MACF1: variants seen among roughly 807,000 people sequenced by gnomAD.
MACF1 encodes the protein microtubule-actin cross-linking factor 1.
In MACF1, 193 loss-of-function variants were observed where a neutral mutation model predicts 854.8. That is an observed-to-expected ratio of 0.23 (90% CI 0.20 to 0.25). The LOEUF (loss-of-function observed/expected upper bound fraction) is 0.25. MACF1 is among the 10% of genes least tolerant of loss of function. The pLI is 1.00. For missense variants in MACF1, 7,722 were observed against 8,929.1 expected, an observed-to-expected ratio of 0.86 and a Z score of 5.45; for synonymous variants, 3,185 against 3,226.7, an observed-to-expected ratio of 0.99 and a Z score of 0.44.
rs1227535823 is a variant in MACF1 at position 39,422,478 on chromosome 1, G to C, written c.15921G>C (p.Gln5307His). Reference protein sequence around the residue: ...IQSAGKDCDVQGLEHDMEEIN... With the variant: ...IQSAGKDCDVHGLEHDMEEIN... ...GTGCAGGAAAAGACTGTGATGTACA[G>C]GGTTTAGAACATGACATGGAAGAGA... is the stretch of plus-strand genomic sequence containing the variant. The change falls in exon 59 of 101, where the codon CAG becomes CAC. Residue 5307 changes from glutamine (Q) to histidine (H), a missense_variant. Coordinates refer to ENST00000564288, the MANE Select transcript of MACF1 (RefSeq NM_001394062.1). 2 of 1,613,996 alleles carry C rather than the reference G, an allele frequency of 1.2e-6. No homozygotes were observed. Among genetic ancestry groups the C allele is most frequent in the Non-Finnish European group, 1.7e-6 (2 of 1,179,988 alleles).
intron 22 of MACF1, among the ~76,000 whole-genome samples, chr1:39,302,160 C>A (rs1646059980): frequency 6.6e-6 from 1 of 152,052 alleles, no homozygotes; most frequent in South Asian, 2.1e-4. Flanking sequence ...CTATACCCGG[C>A]TAATTTTTGT....
In MACF1 at chr1:39,385,818, A is replaced by G; in HGVS notation, c.14233A>G (p.Thr4745Ala). 1.2e-6 allele frequency: 2 copies of G among 1,614,178 alleles called. No homozygotes were observed. The highest frequency in any genetic ancestry group is 1.7e-6 in the Non-Finnish European group (2 of 1,180,034). Residue 4745 changes from threonine (T) to alanine (A), a missense_variant, in exon 57 of 101, where the codon ACA becomes GCA. Around this residue, in one of 15 missense-constraint regions of MACF1, gnomAD observed 2,807 missense variants for 3,235.8 expected, o/e 0.87. Coordinates refer to ENST00000564288, the MANE Select transcript of MACF1 (RefSeq NM_001394062.1). ...QLDHEVKEAQ[T>A]LCDELSVLIG... ...AGACCACGAGGTTAAGGAGGCTCAG[A>G]CACTGTGCGATGAACTCTCAGTGCT...
At chr1:39,214,458 G>A (rs919862254) in intron 1 of MACF1, among the ~76,000 whole-genome samples, 1 of 152,228 alleles carries the variant, frequency 6.6e-6, no homozygotes, top group Non-Finnish European at 1.5e-5. Context: ...GCACAGCTGA[G>A]TTAAGTGCAC....
intron 2 of MACF1, among the ~76,000 whole-genome samples, chr1:39,232,922 A>G (rs981992207): frequency 6.6e-6 from 1 of 152,044 alleles, no homozygotes; most frequent in African/African-American, 2.4e-5. Context: ...AGCTGGAACT[A>G]CAGGCATGCA....
Position 39,204,709 on chromosome 1 carries a change from G to A in MACF1, c.-314G>A. The A allele has an allele frequency of 3.9e-6, 1 of 258,868 alleles. No homozygotes were observed. Among genetic ancestry groups the A allele is most frequent in the Non-Finnish European group, 7.4e-6 (1 of 134,368 alleles). 16.0% of individuals were successfully genotyped at this position (258,868 alleles called of 1,614,324 possible). A position where few individuals can be genotyped will look rare whatever the true frequency, so the allele number is the denominator to read the frequency against. On this transcript the variant is annotated 5_prime_UTR_variant, in exon 1 of 101. Transcript: ENST00000564288. ...ATGCCAAAGATAGAGGTTTGAGTCA[G>A]CTTGACACTGGCTTAGGCGCTCCTT...
chr1:39,476,926 C>T (rs28545521), intron 97 of MACF1, among the ~76,000 whole-genome samples: 2 of 148,496 alleles, frequency 1.3e-5, no homozygotes, highest in Admixed American at 1.4e-4. Context: ...TTCAAGGACG[C>T]CTGCTCCCTT....
chr1:39,335,157 A>AT lies in MACF1; in HGVS notation c.8570dup (p.Met2857IlefsTer6), dbSNP rs1217237925. ...GTGCAAGGATCAACGTAAGCCAAGAATGTCTTCAGATGCTAAAGAATTTAT... is the reference window on the plus strand; with the variant it reads ...GTGCAAGGATCAACGTAAGCCAAGAATTGTCTTCAGATGCTAAAGAATTTAT... On this transcript the variant is annotated frameshift_variant, in exon 37 of 101. Coordinates refer to ENST00000564288, the MANE Select transcript of MACF1 (RefSeq NM_001394062.1). LOFTEE classifies it high-confidence loss of function. 1.9e-6 allele frequency: 3 copies of AT among 1,614,022 alleles called. No individual in the cohort carries two copies. The highest frequency in any genetic ancestry group is 2.5e-6 in the Non-Finnish European group (3 of 1,179,980).
chr1:39,192,908 G>A (rs535306029), intron 2 of MACF1, among the ~76,000 whole-genome samples: 25 of 152,216 alleles, frequency 1.6e-4, no homozygotes, highest in Non-Finnish European at 3.1e-4. Context: ...TCAGGAGTTC[G>A]AGACCAGCCT....
intron 11 of MACF1, 94 bp downstream of exon 11, chr1:39,284,522 C>G: frequency 1.3e-6 from 1 of 742,160 alleles, no homozygotes; most frequent in East Asian, 2.7e-5. Flanking sequence ...TTTTCCCAAA[C>G]TGCATTAATA....
intron 2 of MACF1, among the ~76,000 whole-genome samples, chr1:39,136,393 G>A (rs1643168029): frequency 6.6e-6 from 1 of 152,196 alleles, no homozygotes; most frequent in South Asian, 2.1e-4. Context: ...GGTGGAGGGT[G>A]AGGAGAGGCA....
rs138510790 is a variant in MACF1 at position 39,350,890 on chromosome 1, T to C, written c.11071T>C (p.Leu3691=). Residue 3691 remains leucine, a synonymous_variant, in exon 43 of 101, where the codon TTG becomes CTG. Transcript: ENST00000564288. ...TCAGACCAAGCTGAGCCCACGTGAG[T>C]TGACAGCTCTTCGGGAAAAGCTTCA... ...ENQTKLSPRE[L]TALREKLHQA... is the part of the protein sequence containing the mutation. 2.4e-5 allele frequency: 38 copies of C among 1,614,024 alleles called. No individual in the cohort carries two copies. In the East Asian group the frequency reaches 8.0e-4, roughly 34 times the overall value.
Position 39,441,133 on chromosome 1 carries a change from G to T in MACF1, c.18570+8G>T. On this transcript the variant is annotated splice_region_variant and intron_variant, in intron 73 of 100. Coordinates refer to ENST00000564288, the MANE Select transcript of MACF1 (RefSeq NM_001394062.1). ...AGGAAGAGCATTGATGAGGTGTGGA[G>T]AAATGGATGAGGCACTCAGTTAGAA... 6.2e-7 allele frequency: 1 copy of T among 1,614,204 alleles called. No homozygotes were observed. The highest frequency in any genetic ancestry group is 8.5e-7 in the Non-Finnish European group (1 of 1,180,028).
rs146755212 is a variant in MACF1, at chr1:39,357,040, G to T, written c.11425-335G>T. Among the ~76,000 whole-genome samples, 474 of 152,322 alleles carry T rather than the reference G, an allele frequency of 3.1e-3. 1 individual carries two copies. The highest frequency in any genetic ancestry group is 5.2e-3 in the Non-Finnish European group (357 of 68,036). ...TGGTGATTTCTGAGCAGTTGGAAAA[G>T]TGATCTATTGAGTAGAGGTAGAGAC... On this transcript the variant is annotated intron_variant, in intron 44 of 100. Coordinates refer to ENST00000564288, the MANE Select transcript of MACF1 (RefSeq NM_001394062.1).
rs931687536 is a variant in MACF1 at position 39,460,441 on chromosome 1, C to G, written c.21361-191C>G. On this transcript the variant is annotated intron_variant, in intron 91 of 100. Transcript: ENST00000564288. The surrounding 1 kb of genome is among the most constrained non-coding windows in gnomAD (Gnocchi z 4.1). Reference sequence around the variant, plus strand: ...CTTGCTATTCCATTATACCATAGCTCGTGTAAATAGTCATGGCTTTAAGTG... The same window carrying G: ...CTTGCTATTCCATTATACCATAGCTGGTGTAAATAGTCATGGCTTTAAGTG... Among the ~76,000 whole-genome samples, 1 of 152,114 alleles carries G rather than the reference C, an allele frequency of 6.6e-6. No homozygotes were observed. Among genetic ancestry groups the G allele is most frequent in the Non-Finnish European group, 1.5e-5 (1 of 68,022 alleles).
In MACF1 at chr1:39,315,670, T is replaced by C. The variant is rs1646398604; in HGVS notation, c.3428T>C (p.Leu1143Pro). 6.2e-7 allele frequency: 1 copy of C among 1,613,988 alleles called. No individual in the cohort carries two copies. The highest frequency in any genetic ancestry group is 8.5e-7 in the Non-Finnish European group (1 of 1,179,980). ...GAGAAGATGGACCATGTCTATGGTC[T>C]CTCTACTGTATATCTGAATAAGTGA... ...LVEKMDHVYG[L>P]STVYLNKLKT... Residue 1143 changes from leucine to proline, a missense_variant, in exon 27 of 101, where the codon CTC becomes CCC. Transcript: ENST00000564288.
chr1:39,349,879 GTGGCCTTGGCC>G (rs1647140302), intron 42 of MACF1, among the ~76,000 whole-genome samples: 1 of 152,110 alleles, frequency 6.6e-6, no homozygotes, highest in South Asian at 2.1e-4. Context: ...TCCTCCTGCC[GTGGCCTTGGCC>G]TCTCAAAGTG....
chr1:39,125,298 G>A (rs1199225928), intron 2 of MACF1, among the ~76,000 whole-genome samples: 1 of 152,166 alleles, frequency 6.6e-6, no homozygotes, highest in African/African-American at 2.4e-5. Flanking sequence ...AGAACAAGGG[G>A]TTTGAATCTT....
intron 97 of MACF1, among the ~76,000 whole-genome samples, chr1:39,477,147 CACACACAG>C (rs1644923039): frequency 1.2e-5 from 1 of 83,840 alleles, no homozygotes; most frequent in African/African-American, 4.4e-5. Context: ...CACACACACA[CACACACAG>C]ATGTGCAAAG....
chr1:39,435,505 T>A, intron 69 of MACF1, 53 bp from the exon 70 acceptor site: 1 of 1,425,790 alleles, frequency 7.0e-7, no homozygotes, highest in Non-Finnish European at 9.8e-7. Flanking sequence ...AGTATCTAAA[T>A]ACATAAACTG....
Sources: gnomAD v4.1 joint callset for allele counts (sites outside exome capture counted in the v4.1 genomes callset) on GRCh38, gnomAD v4.1.1 for gene constraint, gnomAD v4.1.1 regional missense constraint, Gnocchi (gnomAD v3.1) non-coding constraint, MANE v1.5 for transcripts, NCBI Gene and HGNC (gene_info 2026-07-23, HGNC 2026-07-21) for gene names.